SLC35F4: variants seen among roughly 807,000 people sequenced by gnomAD.
SLC35F4 encodes the protein chromosome 14 open reading frame 36.
SLC35F4 carries 24 observed loss-of-function variants against 44.2 expected under a neutral mutation model. The ratio of observed to expected loss-of-function variants is 0.54; its 90% CI spans 0.39 to 0.76. SLC35F4 has a LOEUF of 0.76. Among genes scored for constraint, SLC35F4 ranks in the 30% least tolerant of loss-of-function variants. The pLI is 0.00. For missense variants in SLC35F4, 562 were observed against 586.1 expected (o/e 0.96, Z 0.42); for synonymous variants, 238 against 223.6 (o/e 1.06, Z -0.57).
rs199785589 is a variant in SLC35F4 at position 57,578,325 on chromosome 14, G to GTTTTTTTTTTTTTTTTTTTTTTT, written c.807+2866_807+2888dup. Among the ~76,000 whole-genome samples the GTTTTTTTTTTTTTTTTTTTTTTT allele has an allele frequency of 7.6e-4, 33 of 43,166 alleles. 10 individuals carry two copies. The highest frequency in any genetic ancestry group is 1.2e-3 in the Non-Finnish European group (26 of 21,764). 28.3% of individuals were successfully genotyped at this position (43,166 alleles called of 152,430 possible). A position where few individuals can be genotyped will look rare whatever the true frequency, so the allele number is the denominator to read the frequency against. ...GATGACTGAAAGCATCCCTTTAACT[G>GTTTTTTTTTTTTTTTTTTTTTTT]TTTTTTTTTTTTTTTTTTTTTTTTT... is the stretch of plus-strand genomic sequence containing the variant. On this transcript the variant is annotated intron_variant, in intron 4 of 7. Transcript: ENST00000556826.
intron 1 of SLC35F4, among the ~76,000 whole-genome samples, chr14:57,909,233 C>T (rs1045524290): frequency 2.0e-5 from 3 of 152,064 alleles, no homozygotes; most frequent in African/African-American, 4.8e-5. Flanking sequence ...TATCAGCACC[C>T]CACCCCATAG....
intron 1 of SLC35F4, among the ~76,000 whole-genome samples, chr14:57,622,490 TA>T (rs991918471): frequency 1.3e-5 from 2 of 148,434 alleles, no homozygotes; most frequent in African/African-American, 5.0e-5. Context: ...TATGCAGCCA[TA>T]AAAAATTATG....
chr14:57,641,520 C>T (rs569765546), intron 1 of SLC35F4, among the ~76,000 whole-genome samples: 1 of 151,922 alleles, frequency 6.6e-6, no homozygotes, highest in South Asian at 2.1e-4. Context: ...TTGAAATTAG[C>T]CTGCTAAAGT....
chr14:57,841,520 ACT>A (rs1365287035), intron 1 of SLC35F4, among the ~76,000 whole-genome samples: 1 of 152,016 alleles, frequency 6.6e-6, no homozygotes, highest in Non-Finnish European at 1.5e-5. Context: ...AACAAAGACG[ACT>A]CTGTACTTGG....
chr14:57,893,284 T>C (rs1349638553), intron 1 of SLC35F4, among the ~76,000 whole-genome samples: 1 of 152,184 alleles, frequency 6.6e-6, no homozygotes, highest in African/African-American at 2.4e-5. Context: ...TATTTATCTA[T>C]GGAAAAATAA....
At position 57,564,182 on chromosome 14, in the gene SLC35F4, G is replaced by T. The variant is rs202119323; in HGVS notation, c.1411C>A (p.Arg471=). 1.0e-3 allele frequency: 1,641 copies of T among 1,613,560 alleles called. 1 individual carries two copies. Among genetic ancestry groups the T allele is most frequent in the Non-Finnish European group, 1.2e-3 (1,421 of 1,179,770 alleles). ...GTCCCATTGGCTCTGCCTCTGCCCC[G>T]CAGGTGTATGCTGGGATCAGTCACA... is the stretch of plus-strand genomic sequence containing the variant. ...DDVTDPSIHL[R]GRGRANGTVS... The change falls in exon 8 of 8, where the codon CGG becomes AGG. Residue 471 remains arginine, a synonymous_variant. Transcript: ENST00000556826.
intron 1 of SLC35F4, among the ~76,000 whole-genome samples, chr14:57,757,243 G>A: frequency 6.6e-6 from 1 of 151,932 alleles, no homozygotes; most frequent in Non-Finnish European, 1.5e-5. Context: ...GCATTTTCAT[G>A]GTTTATGTTT....
At chr14:57,910,900 A>G (rs1434396020) in intron 1 of SLC35F4, among the ~76,000 whole-genome samples, 2 of 152,070 alleles carry the variant, frequency 1.3e-5, no homozygotes, top group East Asian at 1.9e-4. Context: ...CATCCTATTC[A>G]TGAACATGGA....
chr14:57,720,447 G>A (rs1039375940), intron 1 of SLC35F4, among the ~76,000 whole-genome samples: 1 of 152,120 alleles, frequency 6.6e-6, no homozygotes, highest in Non-Finnish European at 1.5e-5. Context: ...TTCAGCAGTG[G>A]AGCCATTGGG....
intron 1 of SLC35F4, among the ~76,000 whole-genome samples, chr14:57,893,221 T>C (rs1047718237): frequency 4.6e-5 from 7 of 152,156 alleles, no homozygotes; most frequent in African/African-American, 1.2e-4. Flanking sequence ...AATCCCCATA[T>C]AGTGCCCCCT....
intron 1 of SLC35F4, among the ~76,000 whole-genome samples, chr14:57,898,338 C>T (rs555680411): frequency 5.9e-5 from 9 of 152,348 alleles, no homozygotes; most frequent in African/African-American, 2.2e-4. Context: ...CAGGTTAAAA[C>T]ACATGCATTC....
Position 57,859,824 on chromosome 14 carries a change from A to T in SLC35F4, c.103+5899T>A, listed in dbSNP as rs142140335. Among the ~76,000 whole-genome samples the T allele has an allele frequency of 8.7e-3, 1,320 of 152,294 alleles. 10 individuals carry two copies. The highest frequency in any genetic ancestry group is 0.031 in the Middle Eastern group (9 of 294). ...GGGGAAAGGGCAGAAGCTGAGGATA[A>T]CTCAGAGTTTCTGGCTTGGACAATT... On this transcript the variant is annotated intron_variant, in intron 1 of 7. Coordinates refer to ENST00000556826, the MANE Select transcript of SLC35F4 (RefSeq NM_001306087.2).
At position 57,758,784 on chromosome 14, in the gene SLC35F4, C is replaced by A. The variant is rs1193887651; in HGVS notation, c.103+106939G>T. On this transcript the variant is annotated intron_variant, in intron 1 of 7. Coordinates refer to ENST00000556826, the MANE Select transcript of SLC35F4 (RefSeq NM_001306087.2). ...AAAAACCCTTAACATGAGATATACT[C>A]ATTAAAAAATTCTATATAATAAATT... Among the ~76,000 whole-genome samples, 4 of 152,102 alleles carry A rather than the reference C, an allele frequency of 2.6e-5. 1 individual carries two copies. In the East Asian group the frequency reaches 5.8e-4, roughly 22 times the overall value.
At chr14:57,659,893 T>A (rs139724828) in intron 1 of SLC35F4, among the ~76,000 whole-genome samples, 1 of 152,140 alleles carries the variant, frequency 6.6e-6, no homozygotes, top group Non-Finnish European at 1.5e-5. Context: ...GTGTAAAAAT[T>A]AAAAGGTAGC....
chr14:57,731,817 G>T (rs1363889314), intron 1 of SLC35F4, among the ~76,000 whole-genome samples: 2 of 152,194 alleles, frequency 1.3e-5, no homozygotes, highest in African/African-American at 2.4e-5. Flanking sequence ...ACACATTAAA[G>T]GTAGTCCTTT....
At chr14:57,853,954 A>G (rs574235780) in intron 1 of SLC35F4, among the ~76,000 whole-genome samples, 1 of 152,236 alleles carries the variant, frequency 6.6e-6, no homozygotes, top group East Asian at 1.9e-4. Flanking sequence ...ACAAACCATC[A>G]CTAATACTCC....
chr14:57,670,124 G>A (rs1190315882), intron 1 of SLC35F4, among the ~76,000 whole-genome samples: 2 of 152,134 alleles, frequency 1.3e-5, no homozygotes, highest in Non-Finnish European at 2.9e-5. Flanking sequence ...GCATAGAGGT[G>A]TTTATAGTAT....
chr14:57,948,807 G>A (rs1170584423), intron 1 of SLC35F4, among the ~76,000 whole-genome samples: 2 of 152,060 alleles, frequency 1.3e-5, no homozygotes, highest in Non-Finnish European at 2.9e-5. Context: ...TATCATTCAA[G>A]AGCAAATTAT....
intron 1 of SLC35F4, among the ~76,000 whole-genome samples, chr14:57,756,057 G>T (rs967222888): frequency 6.6e-6 from 1 of 152,184 alleles, no homozygotes; most frequent in Non-Finnish European, 1.5e-5. Flanking sequence ...GCAGGCAGTT[G>T]CCCTGTTTTC....
Sources: gnomAD v4.1 joint callset for allele counts (sites outside exome capture counted in the v4.1 genomes callset) on GRCh38, gnomAD v4.1.1 for gene constraint, MANE v1.5 for transcripts, NCBI Gene and HGNC (gene_info 2026-07-23, HGNC 2026-07-21) for gene names.